Variants in ARK2C observed in about 807,000 individuals in gnomAD.
ARK2C encodes the protein E3 ubiquitin-protein ligase ARK2C.
the ARK2C span, among the ~76,000 whole-genome samples, chr18:46,375,216 A>G: frequency 6.6e-6 from 1 of 152,166 alleles, no homozygotes; most frequent in South Asian, 2.1e-4. Flanking sequence ...CACTGGCCGC[A>G]TCTATATATT....
At chr18:46,408,734 A>T in the ARK2C span, among the ~76,000 whole-genome samples, 2 of 152,354 alleles carry the variant, frequency 1.3e-5, no homozygotes, top group South Asian at 4.1e-4. Flanking sequence ...CACACCAGCC[A>T]TTAGGGAATT....
the ARK2C span, among the ~76,000 whole-genome samples, chr18:46,390,122 T>A: frequency 0.2 from 30,837 of 152,070 alleles, 3,563 homozygotes; most frequent in East Asian, 0.32. Context: ...AATATGCTCC[T>A]CTCCCTCTTC....
the ARK2C span, among the ~76,000 whole-genome samples, chr18:46,412,379 C>T: frequency 6.6e-6 from 1 of 152,248 alleles, no homozygotes; most frequent in African/African-American, 2.4e-5. Context: ...AGCCTGCAGG[C>T]AAACATGTCC....
the ARK2C span, among the ~76,000 whole-genome samples, chr18:46,350,161 A>G: frequency 6.6e-6 from 1 of 152,134 alleles, no homozygotes; most frequent in African/African-American, 2.4e-5. Context: ...TTTCTCTGAC[A>G]TGTCACCTGT....
At chr18:46,430,725 T>G in the ARK2C span, among the ~76,000 whole-genome samples, 1 of 152,212 alleles carries the variant, frequency 6.6e-6, no homozygotes, top group Non-Finnish European at 1.5e-5. Flanking sequence ...TCATTTCACC[T>G]CGTACATTTC....
chr18:46,427,953 C>T, the ARK2C span, among the ~76,000 whole-genome samples: 1 of 152,244 alleles, frequency 6.6e-6, no homozygotes, highest in South Asian at 2.1e-4. Context: ...GGAAAAGCAG[C>T]CAGGGAGATG....
At chr18:46,413,870 C>A in the ARK2C span, among the ~76,000 whole-genome samples, 1 of 152,118 alleles carries the variant, frequency 6.6e-6, no homozygotes, top group Non-Finnish European at 1.5e-5. Flanking sequence ...TCATGGGGAG[C>A]CTTGTTGTTA....
the ARK2C span, chr18:46,334,341 G>T: frequency 6.3e-7 from 1 of 1,582,598 alleles, no homozygotes; most frequent in East Asian, 2.4e-5. The surrounding 1 kb of genome is among the most constrained non-coding windows in gnomAD (Gnocchi z 4.4). Flanking sequence ...CAGAGGTATC[G>T]CTTTTTCCTT....
At chr18:46,408,114 A>C in the ARK2C span, among the ~76,000 whole-genome samples, 1 of 152,186 alleles carries the variant, frequency 6.6e-6, no homozygotes, top group Non-Finnish European at 1.5e-5. Flanking sequence ...AGTAGCTCAG[A>C]TAGGTCGGGG....
At chr18:46,344,294 C>T in the ARK2C span, among the ~76,000 whole-genome samples, 2 of 152,188 alleles carry the variant, frequency 1.3e-5, no homozygotes, top group African/African-American at 2.4e-5. Flanking sequence ...GGAACAGCTG[C>T]TGTGCCCCCT....
chr18:46,371,833 A>G, the ARK2C span, among the ~76,000 whole-genome samples: 1 of 152,204 alleles, frequency 6.6e-6, no homozygotes, highest in Non-Finnish European at 1.5e-5. Flanking sequence ...CCTGTGTCCA[A>G]GGCCCTTTCT....
chr18:46,379,556 G>T, the ARK2C span, among the ~76,000 whole-genome samples: 1 of 152,162 alleles, frequency 6.6e-6, no homozygotes, highest in Admixed American at 6.5e-5. Flanking sequence ...GCCCTCATTT[G>T]TTTCTCTTGA....
At chr18:46,406,928 G>C in the ARK2C span, among the ~76,000 whole-genome samples, 1 of 151,938 alleles carries the variant, frequency 6.6e-6, no homozygotes, top group Non-Finnish European at 1.5e-5. Context: ...GTAGGGAAAG[G>C]GTGGCTGTCT....
chr18:46,383,335 G>A, the ARK2C span, among the ~76,000 whole-genome samples: 1 of 152,162 alleles, frequency 6.6e-6, no homozygotes, highest in East Asian at 1.9e-4. Context: ...TTGCTAATGA[G>A]GGAACCAGCA....
chr18:46,343,100 G>T, the ARK2C span, among the ~76,000 whole-genome samples: 5 of 152,332 alleles, frequency 3.3e-5, no homozygotes, highest in East Asian at 9.6e-4. Flanking sequence ...AATGCCATAG[G>T]TTCTAGGCCG....
chr18:46,447,788 C>A, the ARK2C span: 3 of 1,443,384 alleles, frequency 2.1e-6, no homozygotes, highest in South Asian at 1.2e-5. Flanking sequence ...CATGGCCTGG[C>A]TCCCCTGTAT....
the ARK2C span, among the ~76,000 whole-genome samples, chr18:46,421,446 G>A: frequency 1.3e-4 from 20 of 152,176 alleles, no homozygotes; most frequent in Non-Finnish European, 1.8e-4. Context: ...AGGGGTAAAG[G>A]TGAATGAGAC....
chr18:46,413,970 T>C, the ARK2C span, among the ~76,000 whole-genome samples: 1 of 152,190 alleles, frequency 6.6e-6, no homozygotes, highest in Non-Finnish European at 1.5e-5. Flanking sequence ...TTCAAAGTCA[T>C]GCAGCATGCT....
the ARK2C span, among the ~76,000 whole-genome samples, chr18:46,372,839 G>A: frequency 6.6e-6 from 1 of 152,252 alleles, no homozygotes; most frequent in African/African-American, 2.4e-5. Flanking sequence ...GTGCTATTAT[G>A]TAAGGACTGT....
Sources: gnomAD v4.1 joint callset for allele counts (sites outside exome capture counted in the v4.1 genomes callset) on GRCh38, gnomAD v4.1.1 for gene constraint, Gnocchi (gnomAD v3.1) non-coding constraint, MANE v1.5 for transcripts, NCBI Gene and HGNC (gene_info 2026-07-23, HGNC 2026-07-21) for gene names.